COBL: variants seen among roughly 807,000 people sequenced by gnomAD.
COBL encodes cordon-bleu WH2 repeat protein, also known as protein cordon-bleu.
A neutral mutation model predicts 98.8 loss-of-function variants in COBL; 51 were observed. The ratio of observed to expected loss-of-function variants is 0.52; its 90% confidence interval spans 0.41 to 0.65. The LOEUF is 0.65. Among genes scored for constraint, COBL ranks in the 30% least tolerant of loss-of-function variants. COBL has a pLI of 0.00. For synonymous variants in COBL, 634 were observed against 651.7 expected (o/e 0.97, Z 0.41); for missense variants, 1,617 against 1,617.5 (o/e 1.00, Z 0.01).
intron 1 of COBL, among the ~76,000 whole-genome samples, chr7:51,240,159 G>A (rs975619300): frequency 2.1e-4 from 32 of 152,272 alleles, no homozygotes; most frequent in African/African-American, 7.5e-4. Context: ...GTTGACCACA[G>A]CTTGCCAAGC....
At chr7:51,268,505 T>C (rs1453705459) in intron 1 of COBL, among the ~76,000 whole-genome samples, 1 of 152,124 alleles carries the variant, frequency 6.6e-6, no homozygotes, top group Non-Finnish European at 1.5e-5. Flanking sequence ...AGAAGAAGAG[T>C]TACTAAGCAT....
At chr7:51,163,683 A>G (rs1787032781) in intron 5 of COBL, among the ~76,000 whole-genome samples, 1 of 152,256 alleles carries the variant, frequency 6.6e-6, no homozygotes, top group Non-Finnish European at 1.5e-5. Flanking sequence ...ACAGATTCAT[A>G]GTATTCAATC....
chr7:51,214,950 T>G (rs1239672768), intron 2 of COBL, among the ~76,000 whole-genome samples: 1 of 152,168 alleles, frequency 6.6e-6, no homozygotes, highest in South Asian at 2.1e-4. Flanking sequence ...TCAGCCTAGC[T>G]TCAAGCAATA....
chr7:51,227,895 C>T (rs575872189), intron 1 of COBL, among the ~76,000 whole-genome samples: 1 of 152,286 alleles, frequency 6.6e-6, no homozygotes, highest in African/African-American at 2.4e-5. Context: ...AAACAGTCAA[C>T]AGAAGATCCA....
intron 1 of COBL, among the ~76,000 whole-genome samples, chr7:51,241,118 G>A (rs960758823): frequency 2.6e-5 from 4 of 152,216 alleles, no homozygotes; most frequent in African/African-American, 9.6e-5. Context: ...ACAAACACGA[G>A]TGGGCACAGC....
intron 5 of COBL, among the ~76,000 whole-genome samples, chr7:51,146,576 G>C (rs1027752742): frequency 6.0e-5 from 9 of 148,914 alleles, no homozygotes; most frequent in Non-Finnish European, 1.2e-4. Flanking sequence ...CTCCCATTAA[G>C]ATATTATCTC....
chr7:51,287,028 T>C (rs1031717879), intron 1 of COBL, among the ~76,000 whole-genome samples: 5 of 152,216 alleles, frequency 3.3e-5, no homozygotes, highest in Admixed American at 1.3e-4. Context: ...AAATACTGCA[T>C]GTTGTTACTT....
intron 5 of COBL, among the ~76,000 whole-genome samples, chr7:51,147,231 C>G (rs1785114307): frequency 6.6e-6 from 1 of 152,220 alleles, no homozygotes; most frequent in Non-Finnish European, 1.5e-5. Flanking sequence ...CTGCCCATGG[C>G]CATCCACTAA....
chr7:51,205,479 C>A (rs1338206603), intron 2 of COBL, among the ~76,000 whole-genome samples: 1 of 151,596 alleles, frequency 6.6e-6, no homozygotes, highest in Non-Finnish European at 1.5e-5. Context: ...AAAATGAAAT[C>A]TGACCCTTAT....
At chr7:51,041,738 C>G (rs951852511) in intron 8 of COBL, among the ~76,000 whole-genome samples, 1 of 152,052 alleles carries the variant, frequency 6.6e-6, no homozygotes, top group African/African-American at 2.4e-5. Flanking sequence ...CCCACCTGAG[C>G]CTCCCAAAGT....
chr7:51,263,820 CTAAA>C (rs1211278236), intron 1 of COBL, among the ~76,000 whole-genome samples: 4 of 152,168 alleles, frequency 2.6e-5, no homozygotes, highest in African/African-American at 4.8e-5. Context: ...TTGGCAACTA[CTAAA>C]TATTTTGATA....
chr7:51,150,634 C>T (rs1363260193), intron 5 of COBL, among the ~76,000 whole-genome samples: 1 of 152,106 alleles, frequency 6.6e-6, no homozygotes, highest in Non-Finnish European at 1.5e-5. Flanking sequence ...TATAACTGAC[C>T]TTCTTTCAGC....
intron 2 of COBL, among the ~76,000 whole-genome samples, chr7:51,197,929 T>C (rs1456742054): frequency 1.3e-5 from 2 of 152,196 alleles, no homozygotes; most frequent in African/African-American, 2.4e-5. Context: ...GACAGGTTTC[T>C]TGAAGATAGC....
chr7:51,050,325 G>A (rs1790112847), intron 7 of COBL, among the ~76,000 whole-genome samples: 1 of 152,100 alleles, frequency 6.6e-6, no homozygotes, highest in African/African-American at 2.4e-5. Context: ...GAGTCCCTGG[G>A]CAGAGAAAAT....
At chr7:51,293,066 C>CA (rs1359865765) in intron 1 of COBL, among the ~76,000 whole-genome samples, 1 of 152,244 alleles carries the variant, frequency 6.6e-6, no homozygotes, top group Non-Finnish European at 1.5e-5. Context: ...ACTGACCCAA[C>CA]AACTGTTAAT....
intron 1 of COBL, among the ~76,000 whole-genome samples, chr7:51,249,909 C>T (rs915307534): frequency 6.6e-6 from 1 of 152,122 alleles, no homozygotes; most frequent in Non-Finnish European, 1.5e-5. Context: ...CGAGACCAGC[C>T]TGGCCAATGT....
At chr7:51,135,030 T>C (rs10231264) in intron 6 of COBL, among the ~76,000 whole-genome samples, 13,355 of 152,212 alleles carry the variant, frequency 0.088, 664 homozygotes, top group Admixed American at 0.15. Context: ...TGGCGTGATC[T>C]TGGCTCACTG....
chr7:51,173,397 G>A (rs1030199999), intron 5 of COBL, among the ~76,000 whole-genome samples: 2 of 151,988 alleles, frequency 1.3e-5, no homozygotes, highest in African/African-American at 4.8e-5. Context: ...TGCCCAGGCT[G>A]TTCTCAAACC....
intron 7 of COBL, chr7:51,083,166 C>T: frequency 2.0e-6 from 3 of 1,505,308 alleles, no homozygotes; most frequent in Admixed American, 2.1e-5. Flanking sequence ...GGGGGAAGCA[C>T]TAACTGGGGT....
Sources: allele counts gnomAD v4.1 joint callset (sites outside exome capture counted in the v4.1 genomes callset), GRCh38; gene constraint gnomAD v4.1.1; transcripts MANE v1.5; gene names NCBI Gene and HGNC (gene_info 2026-07-23, HGNC 2026-07-21).